The following PRKCQ variants were observed in gnomAD, a reference collection of about 807,000 sequenced individuals.
PRKCQ encodes the protein protein kinase C theta type.
In PRKCQ, 41 loss-of-function variants were observed where a neutral mutation model predicts 91.2. The ratio of observed to expected loss-of-function variants is 0.45; its 90% CI spans 0.35 to 0.58. The LOEUF (loss-of-function observed/expected upper bound fraction) is 0.58. Ranked by LOEUF, PRKCQ falls within the 20% of genes least tolerant of loss-of-function variation. PRKCQ has a pLI of 0.00. For synonymous variants in PRKCQ, 307 were observed against 316.9 expected (o/e 0.97, Z 0.33); for missense variants, 673 against 896.5 (o/e 0.75, Z 3.18).
Position 6,444,495 on chromosome 10 carries a change from A to G in PRKCQ, c.1648-2414T>C, listed in dbSNP as rs1646836990. Among the ~76,000 whole-genome samples, 7 of 151,894 alleles carry G rather than the reference A, an allele frequency of 4.6e-5. No homozygotes were observed. The South Asian group carries it at 1.2e-3, about 27-fold the overall frequency. On this transcript the variant is annotated intron_variant, in intron 15 of 17. Transcript: ENST00000263125. ...AAATTTTTTTTAATGGAAAAGAGGG[A>G]AAAAAAATCTTCGTTAATTCATGAC...
In PRKCQ at chr10:6,497,792, T is replaced by C. The variant is rs1339223646; in HGVS notation, c.543-541A>G. 6.6e-6 allele frequency among the ~76,000 whole-genome samples: 1 copy of C among 152,216 alleles called. No homozygotes were observed. The highest frequency in any genetic ancestry group is 1.5e-5 in the Non-Finnish European group (1 of 68,030). On this transcript the variant is annotated intron_variant, in intron 5 of 17. Coordinates refer to ENST00000263125, the MANE Select transcript of PRKCQ (RefSeq NM_006257.5). This position sits in a 1 kb window ranked among gnomAD's most constrained non-coding sequence, Gnocchi z 4.5. ...AAGTCGATCTGGCATGTGGATACCC[T>C]GGTTACACAGGAGCTGTGCTTTAAC...
At chr10:6,527,318 A>G (rs1320720617) in intron 1 of PRKCQ, among the ~76,000 whole-genome samples, 4 of 152,176 alleles carry the variant, frequency 2.6e-5, no homozygotes, top group Admixed American at 6.5e-5. Context: ...ATGTCATATA[A>G]TTTCCATATC....
intron 1 of PRKCQ, among the ~76,000 whole-genome samples, chr10:6,536,584 CTCT>C (rs986701828): frequency 1.8e-4 from 27 of 152,098 alleles, no homozygotes; most frequent in African/African-American, 6.0e-4. Context: ...CTCTAAAAAT[CTCT>C]TCTTCTTCCG....
chr10:6,456,312 C>G (rs924696488), intron 15 of PRKCQ, among the ~76,000 whole-genome samples: 2 of 152,192 alleles, frequency 1.3e-5, no homozygotes, highest in African/African-American at 4.8e-5. Context: ...GGCTTAGAAA[C>G]TCAGTCCAGG....
intron 4 of PRKCQ, among the ~76,000 whole-genome samples, chr10:6,502,595 G>T (rs901823743): frequency 2.6e-5 from 4 of 152,182 alleles, no homozygotes; most frequent in African/African-American, 9.7e-5. Context: ...GCAGAGGCTT[G>T]ATATGGTCAG....
At chr10:6,545,620 CAG>C (rs1388350264) in intron 1 of PRKCQ, among the ~76,000 whole-genome samples, 1 of 152,096 alleles carries the variant, frequency 6.6e-6, no homozygotes, top group African/African-American at 2.4e-5. Context: ...TTGATGGGGA[CAG>C]AGTCTCAGTT....
intron 1 of PRKCQ, among the ~76,000 whole-genome samples, chr10:6,554,104 C>G (rs1317351468): frequency 6.6e-6 from 1 of 152,120 alleles, no homozygotes; most frequent in East Asian, 1.9e-4. Flanking sequence ...GTTACTTTAC[C>G]TCTCTGGGTC....
intron 12 of PRKCQ, among the ~76,000 whole-genome samples, chr10:6,474,804 AT>A (rs1213818255): frequency 1.3e-5 from 2 of 151,956 alleles, no homozygotes; most frequent in Admixed American, 1.3e-4. Flanking sequence ...GGATTTTCCT[AT>A]TTTTTTACTT....
chr10:6,418,243 C>T, the PRKCQ span, among the ~76,000 whole-genome samples: 2 of 152,212 alleles, frequency 1.3e-5, no homozygotes, highest in Admixed American at 1.3e-4. Context: ...TCTAAAACCT[C>T]TGAGGCTTGG....
chr10:6,504,364 A>T (rs1445279079), intron 4 of PRKCQ, among the ~76,000 whole-genome samples: 2 of 152,258 alleles, frequency 1.3e-5, no homozygotes, highest in South Asian at 2.1e-4. Flanking sequence ...TTGCCCTCCA[A>T]CATCTGTCTC....
In PRKCQ at chr10:6,512,756, GGGGTATACAAGGA is replaced by G. The variant is rs371092077; in HGVS notation, c.119-1575_119-1563del. ...ATTTGTTAAATTAATATTTATTTCG[GGGGTATACAAGGA>G]GTTGAATAAGCTTGAAACTCAAATG... On this transcript the variant is annotated intron_variant, in intron 2 of 17. Coordinates refer to ENST00000263125, the MANE Select transcript of PRKCQ (RefSeq NM_006257.5). Among the ~76,000 whole-genome samples the G allele has an allele frequency of 5.4e-4, 82 of 152,274 alleles. No homozygotes were observed. In the East Asian group the frequency reaches 5.6e-3, roughly 10 times the overall value.
chr10:6,568,598 C>T (rs1345776333), intron 1 of PRKCQ, among the ~76,000 whole-genome samples: 3 of 151,202 alleles, frequency 2.0e-5, no homozygotes, highest in African/African-American at 4.9e-5. Context: ...CCCAGGTTCA[C>T]GCAGTTCTCC....
chr10:6,516,048 T>G (rs771438361), intron 1 of PRKCQ, among the ~76,000 whole-genome samples: 1 of 152,242 alleles, frequency 6.6e-6, no homozygotes, highest in Non-Finnish European at 1.5e-5. Flanking sequence ...TCTCTCTTTT[T>G]GATGATTTAT....
At chr10:6,476,896 T>C (rs904680729) in intron 12 of PRKCQ, among the ~76,000 whole-genome samples, 3 of 152,008 alleles carry the variant, frequency 2.0e-5, no homozygotes, top group African/African-American at 7.2e-5. Context: ...CCCAACAGCA[T>C]GGAGAGGGTG....
chr10:6,481,379 C>T (rs779257596), intron 11 of PRKCQ, among the ~76,000 whole-genome samples: 1 of 152,236 alleles, frequency 6.6e-6, no homozygotes, highest in Non-Finnish European at 1.5e-5. Context: ...GCCAAAAAGA[C>T]AATTTCCATC....
At chr10:6,515,346 G>A (rs891815558) in intron 1 of PRKCQ, 19 of 1,476,662 alleles carry the variant, frequency 1.3e-5, no homozygotes, top group African/African-American at 5.7e-5. Flanking sequence ...GACTTGCTGA[G>A]GGGAGAGGCT....
intron 4 of PRKCQ, among the ~76,000 whole-genome samples, chr10:6,505,090 C>T (rs1317539500): frequency 2.6e-5 from 4 of 151,916 alleles, no homozygotes; most frequent in African/African-American, 9.7e-5. Flanking sequence ...AGACGGGGTT[C>T]CACCATGTTA....
chr10:6,555,429 A>G (rs902115102), intron 1 of PRKCQ, among the ~76,000 whole-genome samples: 5 of 152,212 alleles, frequency 3.3e-5, no homozygotes, highest in African/African-American at 4.8e-5. Flanking sequence ...GGGAACTTCT[A>G]TTTCAGACAA....
chr10:6,473,846 C>A (rs1049598202), intron 12 of PRKCQ, among the ~76,000 whole-genome samples: 1 of 152,064 alleles, frequency 6.6e-6, no homozygotes, highest in Non-Finnish European at 1.5e-5. Context: ...TAAAAAGTAT[C>A]AAGTTCAAGG....
Sources: allele counts gnomAD v4.1 joint callset (sites outside exome capture counted in the v4.1 genomes callset), GRCh38; gene constraint gnomAD v4.1.1; non-coding constraint Gnocchi (gnomAD v3.1); transcripts MANE v1.5; gene names NCBI Gene and HGNC (gene_info 2026-07-23, HGNC 2026-07-21).